Variants in ANK2 observed in about 807,000 individuals in gnomAD.
ANK2 encodes the protein ankyrin-2.
In ANK2, 83 loss-of-function variants were observed where a neutral mutation model predicts 360.5. That is an observed-to-expected ratio of 0.23 (90% CI 0.19 to 0.28). The LOEUF (loss-of-function observed/expected upper bound fraction) is 0.28. Among genes scored for constraint, ANK2 ranks in the 10% least tolerant of loss-of-function variants. The pLI is 1.00. For missense variants in ANK2, 4,201 were observed against 4,795.7 expected (o/e 0.88, Z 3.66); for synonymous variants, 1,740 against 1,759.5 (o/e 0.99, Z 0.28).
intron 17 of ANK2, among the ~76,000 whole-genome samples, 162 bp from the exon 18 acceptor site, chr4:113,282,513 G>T (rs1266446109): frequency 6.6e-6 from 1 of 152,148 alleles, no homozygotes; most frequent in Admixed American, 6.5e-5. Context: ...TAGAGATTCG[G>T]TTATTGTTGA....
intron 1 of ANK2, among the ~76,000 whole-genome samples, chr4:112,863,514 CTTT>C (rs952398354): frequency 6.7e-4 from 72 of 107,018 alleles, no homozygotes; most frequent in African/African-American, 2.3e-3. Context: ...TTTAGAGTAT[CTTT>C]TTTTTTTTTT....
At chr4:113,333,305 T>C in intron 29 of ANK2, 97 bp downstream of exon 29, 1 of 1,256,492 alleles carries the variant, frequency 8.0e-7, no homozygotes, top group Non-Finnish European at 1.1e-6. Context: ...TATATGTGTG[T>C]GTGTGTGTGT....
chr4:113,002,114 G>C (rs2050943671), intron 2 of ANK2, among the ~76,000 whole-genome samples: 1 of 152,072 alleles, frequency 6.6e-6, no homozygotes. Context: ...ATGCTGGTGT[G>C]CTGCACCCAC....
At chr4:113,247,195 G>A (rs2043412342) in intron 9 of ANK2, among the ~76,000 whole-genome samples, 2 of 150,482 alleles carry the variant, frequency 1.3e-5, no homozygotes, top group African/African-American at 4.9e-5. Context: ...GAAAACACAA[G>A]GGGTCTCTGG....
At chr4:112,750,662 G>A in the ANK2 span, among the ~76,000 whole-genome samples, 199 of 152,106 alleles carry the variant, frequency 1.3e-3, 2 homozygotes, top group African/African-American at 4.6e-3. Context: ...TAAGGGAATG[G>A]CTACTCTATA....
At chr4:112,876,630 T>C (rs1263352623) in intron 1 of ANK2, among the ~76,000 whole-genome samples, 1 of 152,164 alleles carries the variant, frequency 6.6e-6, no homozygotes, top group Non-Finnish European at 1.5e-5. Context: ...TGGTAAGGCA[T>C]TTGCTGCTTG....
At chr4:113,094,870 T>A (rs1321043872) in intron 1 of ANK2, among the ~76,000 whole-genome samples, 1 of 152,230 alleles carries the variant, frequency 6.6e-6, no homozygotes, top group African/African-American at 2.4e-5. Context: ...AAAGCATTGT[T>A]TTTGTAACTA....
chr4:113,193,073 C>A (rs923179161), intron 2 of ANK2, among the ~76,000 whole-genome samples: 1 of 152,100 alleles, frequency 6.6e-6, no homozygotes, highest in Non-Finnish European at 1.5e-5. Flanking sequence ...GTGACATCTT[C>A]AAAGTATTCT....
intron 2 of ANK2, among the ~76,000 whole-genome samples, chr4:112,955,541 G>T (rs1581844263): frequency 2.1e-5 from 3 of 145,136 alleles, no homozygotes; most frequent in African/African-American, 5.0e-5. Context: ...AAAAAAGGTT[G>T]TTTTTTTTTT....
intron 1 of ANK2, among the ~76,000 whole-genome samples, chr4:113,139,378 C>G (rs4834317): frequency 0.46 from 70,555 of 152,092 alleles, 17,106 homozygotes; most frequent in Admixed American, 0.57. Context: ...AAATTATACT[C>G]TGGCTTAGGC....
chr4:113,117,749 T>C (rs2094963992), intron 1 of ANK2, among the ~76,000 whole-genome samples: 1 of 152,220 alleles, frequency 6.6e-6, no homozygotes, highest in South Asian at 2.1e-4. Context: ...AGGAAGGGGT[T>C]GATTTACGGT....
the ANK2 span, among the ~76,000 whole-genome samples, chr4:112,773,325 T>C: frequency 1.3e-5 from 2 of 152,116 alleles, no homozygotes; most frequent in Non-Finnish European, 2.9e-5. Context: ...TTATTATTAG[T>C]TTAAAAAACA....
chr4:112,745,621 C>T, the ANK2 span, among the ~76,000 whole-genome samples: 1 of 151,074 alleles, frequency 6.6e-6, no homozygotes, highest in South Asian at 2.1e-4. Context: ...GCAACCTCCA[C>T]CTCCTAGGTT....
chr4:113,214,470 G>A, intron 4 of ANK2: 1 of 671,530 alleles, frequency 1.5e-6, no homozygotes, highest in South Asian at 1.7e-5. Flanking sequence ...TAAACAATCT[G>A]GAAAAATCTA....
chr4:113,117,353 A>G (rs1234754270), intron 1 of ANK2: 3 of 456,134 alleles, frequency 6.6e-6, no homozygotes, highest in Non-Finnish European at 1.3e-5. Context: ...AAAGGAAAAA[A>G]ATCTTGAGAG....
At chr4:113,323,378 A>G (rs1387828078) in intron 26 of ANK2, among the ~76,000 whole-genome samples, 1 of 152,172 alleles carries the variant, frequency 6.6e-6, no homozygotes, top group Non-Finnish European at 1.5e-5. Flanking sequence ...TTATTTTTAA[A>G]GTATTAAATG....
chr4:113,260,981 G>A (rs2052523940), intron 13 of ANK2, among the ~76,000 whole-genome samples: 1 of 152,138 alleles, frequency 6.6e-6, no homozygotes, highest in Non-Finnish European at 1.5e-5. Flanking sequence ...TGTTTGTTGT[G>A]CTTCGATGCT....
intron 1 of ANK2, among the ~76,000 whole-genome samples, chr4:113,086,231 T>C (rs946046304): frequency 1.3e-5 from 2 of 152,204 alleles, no homozygotes; most frequent in Admixed American, 6.5e-5. Flanking sequence ...AATGTAACTG[T>C]CTCAGACATT....
intron 22 of ANK2, among the ~76,000 whole-genome samples, chr4:113,295,650 T>C (rs2070886143): frequency 6.6e-6 from 1 of 152,198 alleles, no homozygotes; most frequent in African/African-American, 2.4e-5. Context: ...TCGCTATACT[T>C]AGAATTCAAG....
Sources: allele counts gnomAD v4.1 joint callset (sites outside exome capture counted in the v4.1 genomes callset), GRCh38; gene constraint gnomAD v4.1.1; transcripts MANE v1.5; gene names NCBI Gene and HGNC (gene_info 2026-07-23, HGNC 2026-07-21).